Variants in PTK2B observed in about 807,000 individuals in gnomAD.
PTK2B encodes the protein protein-tyrosine kinase 2-beta.
PTK2B carries 71 observed loss-of-function variants against 142.9 expected under a neutral mutation model. That is an observed-to-expected ratio of 0.50 (90% CI 0.41 to 0.61). PTK2B has a LOEUF of 0.61. PTK2B is among the 20% of genes least tolerant of loss of function. The probability of loss-of-function intolerance (pLI) is 0.00; values close to 1 mark genes in which losing one functional copy is unlikely to be tolerated. For missense variants in PTK2B, 1,105 were observed against 1,320.4 expected, an observed-to-expected ratio of 0.84 and a Z score of 2.53; for synonymous variants, 519 against 503.4, an observed-to-expected ratio of 1.03 and a Z score of -0.42.
At chr8:27,428,320 C>T (rs1223542481) in intron 5 of PTK2B, among the ~76,000 whole-genome samples, 2 of 152,198 alleles carry the variant, frequency 1.3e-5, no homozygotes, top group African/African-American at 4.8e-5. Flanking sequence ...CCTAACAGGC[C>T]AGGACCGGTC....
At chr8:27,347,577 C>T (rs1804792273) in intron 1 of PTK2B, among the ~76,000 whole-genome samples, 1 of 152,168 alleles carries the variant, frequency 6.6e-6, no homozygotes, top group Non-Finnish European at 1.5e-5. Flanking sequence ...TGTGTCCTCA[C>T]ATGGTCATCC....
At chr8:27,451,584 C>T in intron 27 of PTK2B, 75 bp downstream of exon 27, 1 of 1,610,746 alleles carries the variant, frequency 6.2e-7, no homozygotes, top group Non-Finnish European at 8.5e-7. Context: ...GCCCACCGCC[C>T]AGGGCAGGGA....
At chr8:27,376,248 G>A (rs1350497572) in intron 1 of PTK2B, among the ~76,000 whole-genome samples, 1 of 152,198 alleles carries the variant, frequency 6.6e-6, no homozygotes, top group East Asian at 1.9e-4. Flanking sequence ...AGGCTTGGCT[G>A]CCCCCACCCC....
At position 27,430,904 on chromosome 8, in the gene PTK2B, A is replaced by G; in HGVS notation, c.698A>G (p.Gln233Arg). Residue 233 changes from glutamine (Q) to arginine (R), a missense_variant, in exon 8 of 31, where the codon CAG (glutamine) becomes CGG (arginine). By Grantham distance (43) the Gln-to-Arg change is conservative. Coordinates refer to ENST00000346049, the MANE Select transcript of PTK2B (RefSeq NM_173176.3). ...KPKQFRKMIQ[Q>R]TFQQYASLRE... ...AAACAGTTCCGGAAGATGATCCAGCAGACCTTCCAGCAGTACGCCTCGCTC... is the reference window on the plus strand; with the variant it reads ...AAACAGTTCCGGAAGATGATCCAGCGGACCTTCCAGCAGTACGCCTCGCTC... 1 of 1,614,172 alleles carries G rather than the reference A, an allele frequency of 6.2e-7. No homozygotes were observed. Among genetic ancestry groups the G allele is most frequent in the Non-Finnish European group, 8.5e-7 (1 of 1,180,014 alleles).
intron 2 of PTK2B, chr8:27,312,526 C>T (rs544279655): frequency 1.8e-4 from 27 of 152,248 alleles, no homozygotes; most frequent in African/African-American, 6.3e-4. Flanking sequence ...TAGTATTATC[C>T]TTTGTCTCTG....
intron 5 of PTK2B, among the ~76,000 whole-genome samples, chr8:27,429,229 A>G (rs1289170254): frequency 1.3e-5 from 2 of 152,228 alleles, no homozygotes; most frequent in Non-Finnish European, 2.9e-5. Flanking sequence ...TCTAAAGACA[A>G]TGAACTGTCT....
chr8:27,400,560 T>TA (rs2131464068), intron 2 of PTK2B, among the ~76,000 whole-genome samples: 1 of 152,024 alleles, frequency 6.6e-6, no homozygotes, highest in East Asian at 1.9e-4. Context: ...GGAATAGAGA[T>TA]AAATCAACGT....
intron 2 of PTK2B, among the ~76,000 whole-genome samples, chr8:27,412,607 C>T (rs1358154770): frequency 1.3e-5 from 2 of 152,134 alleles, no homozygotes; most frequent in African/African-American, 4.8e-5. Flanking sequence ...CACCAGGCAC[C>T]TCCCAAATAG....
chr8:27,429,975 C>A, intron 5 of PTK2B, 118 bp from the exon 6 acceptor site: 5 of 925,200 alleles, frequency 5.4e-6, no homozygotes, highest in Non-Finnish European at 8.9e-6. Flanking sequence ...AACTTCCTTT[C>A]TCCTGATGAT....
chr8:27,367,184 C>G (rs556351134), intron 1 of PTK2B, among the ~76,000 whole-genome samples: 1 of 152,352 alleles, frequency 6.6e-6, no homozygotes, highest in Admixed American at 6.5e-5. Context: ...GCCACACACA[C>G]ACTGACTACA....
chr8:27,416,913 C>T (rs1809435159), intron 2 of PTK2B, among the ~76,000 whole-genome samples: 1 of 152,098 alleles, frequency 6.6e-6, no homozygotes, highest in Non-Finnish European at 1.5e-5. Flanking sequence ...TGAGACACTA[C>T]GCACCCACTG....
chr8:27,314,605 G>A (rs543941276), intron 3 of PTK2B, among the ~76,000 whole-genome samples: 41 of 152,318 alleles, frequency 2.7e-4, no homozygotes, highest in African/African-American at 7.5e-4. Context: ...TACATAGGGC[G>A]TACCCCAGGT....
Position 27,451,406 on chromosome 8 carries a change from G to A in PTK2B, c.2524-79G>A, listed in dbSNP as rs866424224. ...TCTCTAAACACACAGTGGAGGGACT[G>A]GGGAATGGGTAACCAGGGAGGGGGT... On this transcript the variant is annotated intron_variant, in intron 26 of 30. Coordinates refer to ENST00000346049, the MANE Select transcript of PTK2B (RefSeq NM_173176.3). 32 of 1,596,040 alleles carry A rather than the reference G, an allele frequency of 2.0e-5. No individual in the cohort carries two copies. The African/African-American group carries it at 3.2e-4, about 16-fold the overall frequency.
intron 1 of PTK2B, among the ~76,000 whole-genome samples, chr8:27,354,065 C>A (rs1294585970): frequency 6.6e-6 from 1 of 152,178 alleles, no homozygotes; most frequent in Non-Finnish European, 1.5e-5. Context: ...GCCTCTGCTT[C>A]TGTCTCTCAC....
At chr8:27,327,147 G>A (rs1803468011) in intron 1 of PTK2B, among the ~76,000 whole-genome samples, 1 of 152,198 alleles carries the variant, frequency 6.6e-6, no homozygotes, top group South Asian at 2.1e-4. Context: ...GAGGCTGGAA[G>A]CAGCGGGCGG....
chr8:27,452,949 G>A (rs1239097568), intron 27 of PTK2B, 165 bp from the exon 28 acceptor site: 9 of 748,134 alleles, frequency 1.2e-5, no homozygotes, highest in Non-Finnish European at 2.0e-5. Context: ...GCAAAACCAG[G>A]GAGACCAGGA....
rs1810483402 is a variant in PTK2B, at chr8:27,432,290, A to G, written c.916A>G (p.Arg306Gly). 1 of 1,614,104 alleles carries G rather than the reference A, an allele frequency of 6.2e-7. No individual in the cohort carries two copies. The highest frequency in any genetic ancestry group is 1.3e-5 in the African/African-American group (1 of 75,032). The change falls in exon 10 of 31, where the codon AGG becomes GGG. Residue 306 changes from arginine to glycine, a missense_variant. Arg to Gly is a moderately radical substitution (Grantham distance 125, BLOSUM62 -2). Transcript: ENST00000346049. ...CTGCCTGGCCGAGTTCAAGCAGATC[A>G]GGTCCATCAGGTGCCTCCCGCTGGA... Reference protein sequence around the residue: ...PTCLAEFKQIRSIRCLPLEEG... With the variant: ...PTCLAEFKQIGSIRCLPLEEG...
intron 1 of PTK2B, among the ~76,000 whole-genome samples, chr8:27,367,961 C>T (rs1000147631): frequency 4.6e-5 from 7 of 152,230 alleles, no homozygotes; most frequent in African/African-American, 1.2e-4. Flanking sequence ...ACATCTAAAC[C>T]GTATCAGGGT....
chr8:27,449,191 C>T (rs904443222), intron 24 of PTK2B, among the ~76,000 whole-genome samples: 4 of 152,194 alleles, frequency 2.6e-5, no homozygotes, highest in African/African-American at 4.8e-5. Flanking sequence ...CTTAACCCCA[C>T]GAGAATAAGA....
Sources: gnomAD v4.1 joint callset for allele counts (sites outside exome capture counted in the v4.1 genomes callset) on GRCh38, gnomAD v4.1.1 for gene constraint, MANE v1.5 for transcripts, NCBI Gene and HGNC (gene_info 2026-07-23, HGNC 2026-07-21) for gene names.